CTSE: variants seen among roughly 807,000 people sequenced by gnomAD.
CTSE encodes erythrocyte membrane aspartic proteinase.
In CTSE, 43 loss-of-function variants were observed where a neutral mutation model predicts 42.8. The observed-to-expected ratio is 1.01, with a 90% CI of 0.79 to 1.30. The LOEUF is 1.30. Among genes scored for constraint, CTSE ranks in the 50% most tolerant of loss-of-function variants. CTSE has a pLI of 0.00. For missense variants in CTSE, 532 were observed against 493.5 expected, an observed-to-expected ratio of 1.08 and a Z score of -0.74; for synonymous variants, 205 against 191.5, an observed-to-expected ratio of 1.07 and a Z score of -0.58.
chr1:206,013,037 G>A (rs1341419597), intron 6 of CTSE, among the ~76,000 whole-genome samples: 1 of 151,996 alleles, frequency 6.6e-6, no homozygotes, highest in African/African-American at 2.4e-5. Context: ...ATAAATAGGT[G>A]AATTCCTACA....
rs868909570 is a variant in CTSE, at chr1:206,010,017, G to A, written c.*166C>T. 41 of 354,654 alleles carry A rather than the reference G, an allele frequency of 1.2e-4. No individual in the cohort carries two copies. Among genetic ancestry groups the A allele is most frequent in the Non-Finnish European group, 1.6e-4 (30 of 190,046 alleles). The allele number at this position is 354,654 out of a possible 1,614,324, so 22.0% of individuals were successfully genotyped here. The stretch of plus-strand genomic sequence containing the variant: ...GTGTGAAGTGTGTGTGTGTGTATAT[G>A]TGTGTGTGTGTGTGTATTCTCATGT... On this transcript the variant is annotated 3_prime_UTR_variant, in exon 9 of 9. Transcript: ENST00000358184.
chr1:206,011,065 G>A (rs1661081841), intron 8 of CTSE, among the ~76,000 whole-genome samples: 1 of 151,944 alleles, frequency 6.6e-6, no homozygotes, highest in South Asian at 2.1e-4. Flanking sequence ...CAGTTTTGAT[G>A]GATCAAGGTG....
At chr1:206,016,439 C>A (rs1416549287) in intron 4 of CTSE, among the ~76,000 whole-genome samples, 2 of 151,996 alleles carry the variant, frequency 1.3e-5, no homozygotes, top group Non-Finnish European at 2.9e-5. Flanking sequence ...CATATGAACT[C>A]TTTGGTATCT....
At chr1:206,011,108 C>T (rs1661085467) in intron 8 of CTSE, among the ~76,000 whole-genome samples, 1 of 151,960 alleles carries the variant, frequency 6.6e-6, no homozygotes, top group Non-Finnish European at 1.5e-5. Context: ...GGGAAAGAAC[C>T]ACTCACTGTA....
rs1273535446 is a variant in CTSE at position 206,009,299 on chromosome 1, A to T, written c.*884T>A. On this transcript the variant is annotated 3_prime_UTR_variant, in exon 9 of 9. Coordinates refer to ENST00000358184, the MANE Select transcript of CTSE (RefSeq NM_001910.4). ...AACTTTGTAATGAATGATTAAAGCC[A>T]AGAACTCCAAACCCACCCAGCAGTC... The T allele has an allele frequency of 6.6e-6, 1 of 152,132 alleles. No individual in the cohort carries two copies. The highest frequency in any genetic ancestry group is 1.9e-4 in the East Asian group (1 of 5,194). 9.4% of individuals were successfully genotyped at this position (152,132 alleles called of 1,614,324 possible).
Position 206,021,182 on chromosome 1 carries a change from A to G in CTSE, c.344-15T>C, listed in dbSNP as rs142468174. The G allele has an allele frequency of 1.3e-3, 2,008 of 1,586,700 alleles. 24 individuals are homozygous for G. The African/African-American group carries it at 0.018, about 15-fold the overall frequency. Reference sequence around the variant, plus strand: ...GCTGTGCGTCTCTGGAAAGAAGTGCACTGCTCTTGCTTATGCCATCGGCTC... The same window carrying G: ...GCTGTGCGTCTCTGGAAAGAAGTGCGCTGCTCTTGCTTATGCCATCGGCTC... On this transcript the variant is annotated splice_polypyrimidine_tract_variant and intron_variant, in intron 3 of 8. Transcript: ENST00000358184.
intron 4 of CTSE, among the ~76,000 whole-genome samples, chr1:206,017,736 C>T (rs1553277847): frequency 1.3e-5 from 2 of 151,960 alleles, no homozygotes; most frequent in African/African-American, 4.8e-5. Context: ...CTCGGCCTCC[C>T]AAAGTGCTGG....
chr1:206,014,788 G>A lies in CTSE; in HGVS notation c.663-894C>T, dbSNP rs1661216900. Among the ~76,000 whole-genome samples, 2 of 152,096 alleles carry A rather than the reference G, an allele frequency of 1.3e-5. 1 individual carries two copies. The highest frequency in any genetic ancestry group is 2.9e-5 in the Non-Finnish European group (2 of 68,012). Reference sequence around the variant, plus strand: ...CACTTTTCCCAGGCGACGGGAGAAGGAAGTTCTGCAAGGGGAAGCAGAGGT... The same window carrying A: ...CACTTTTCCCAGGCGACGGGAGAAGAAAGTTCTGCAAGGGGAAGCAGAGGT... On this transcript the variant is annotated intron_variant, in intron 5 of 8. Transcript: ENST00000358184.
At chr1:206,017,025 T>A (rs1661282655) in intron 4 of CTSE, among the ~76,000 whole-genome samples, 1 of 152,106 alleles carries the variant, frequency 6.6e-6, no homozygotes, top group African/African-American at 2.4e-5. Context: ...TCATTCAATC[T>A]ATGAGCATGG....
chr1:206,019,773 ATATT>A (rs1177795609), intron 4 of CTSE, among the ~76,000 whole-genome samples: 5 of 145,548 alleles, frequency 3.4e-5, no homozygotes, highest in African/African-American at 1.2e-4. Context: ...CATTACATAT[ATATT>A]GTGTTAATCT....
rs1443144475 is a variant in CTSE, at chr1:206,010,011, GTA to G, written c.*170_*171del. 2.2e-5 allele frequency: 14 copies of G among 644,848 alleles called. No homozygotes were observed. The highest frequency in any genetic ancestry group is 7.3e-5 in the Admixed American group (3 of 41,168). The allele number at this position is 644,848 out of a possible 1,614,324, so 39.9% of individuals were successfully genotyped here. ...GTGTATGTGTGAAGTGTGTGTGTGTGTATATGTGTGTGTGTGTGTGTATTCTC... is the reference window on the plus strand; with the variant it reads ...GTGTATGTGTGAAGTGTGTGTGTGTGTATGTGTGTGTGTGTGTGTATTCTC... On this transcript the variant is annotated 3_prime_UTR_variant, in exon 9 of 9. Coordinates refer to ENST00000358184, the MANE Select transcript of CTSE (RefSeq NM_001910.4).
At position 206,010,199 on chromosome 1, in the gene CTSE, G is replaced by T; in HGVS notation, c.1175C>A (p.Ala392Asp). 6.2e-7 allele frequency: 1 copy of T among 1,613,674 alleles called. No individual in the cohort carries two copies. Among genetic ancestry groups the T allele is most frequent in the Non-Finnish European group, 8.5e-7 (1 of 1,179,764 alleles). The change falls in exon 9 of 9, where the codon GCC (alanine) becomes GAC (aspartate). Residue 392 changes from alanine to aspartate, a missense_variant. Ala to Asp is a moderately radical substitution (Grantham distance 126). Coordinates refer to ENST00000358184, the MANE Select transcript of CTSE (RefSeq NM_001910.4). ...FDRGNNRVGLAPAVP is the reference protein window; with the variant it reads ...FDRGNNRVGLDPAVP Reference sequence around the variant, plus strand: ...GGCCCCTCCTTAGGGGACTGCTGGGGCCAGTCCCACACGGTTATTCCCACG... The same window carrying T: ...GGCCCCTCCTTAGGGGACTGCTGGGTCCAGTCCCACACGGTTATTCCCACG...
chr1:206,023,509 C>T (rs978123764), intron 1 of CTSE, among the ~76,000 whole-genome samples: 2 of 151,882 alleles, frequency 1.3e-5, no homozygotes, highest in Non-Finnish European at 2.9e-5. Context: ...TGGGAAGGCA[C>T]CTCCGTGGAG....
chr1:206,010,682 G>C (rs1191107962), intron 8 of CTSE, among the ~76,000 whole-genome samples: 1 of 152,104 alleles, frequency 6.6e-6, no homozygotes, highest in African/African-American at 2.4e-5. Flanking sequence ...AAGAGCAAAA[G>C]GGTTGGCACC....
At chr1:206,012,102 A>AT (rs1464755248) in intron 8 of CTSE, among the ~76,000 whole-genome samples, 23 of 152,244 alleles carry the variant, frequency 1.5e-4, no homozygotes, top group African/African-American at 5.1e-4. Flanking sequence ...CTACTGCTTC[A>AT]TGGCAGAACT....
intron 3 of CTSE, among the ~76,000 whole-genome samples, chr1:206,021,551 C>T (rs1661425405): frequency 6.6e-6 from 1 of 152,084 alleles, no homozygotes; most frequent in Admixed American, 6.5e-5. Flanking sequence ...TTTCTCCCAA[C>T]CGATGGACAT....
chr1:206,022,058 G>A (rs1446024210), intron 3 of CTSE, 92 bp downstream of exon 3: 3 of 833,086 alleles, frequency 3.6e-6, no homozygotes, highest in Admixed American at 2.8e-5. Context: ...GCCAGTTTCT[G>A]GAACCTAAGC....
chr1:206,013,272 C>T lies in CTSE; in HGVS notation c.785+500G>A, dbSNP rs140932868. 2.0e-3 allele frequency among the ~76,000 whole-genome samples: 305 copies of T among 152,186 alleles called. 2 individuals carry two copies. Among genetic ancestry groups the T allele is most frequent in the Middle Eastern group, 3.4e-3 (1 of 294 alleles). On this transcript the variant is annotated intron_variant, in intron 6 of 8. Coordinates refer to ENST00000358184, the MANE Select transcript of CTSE (RefSeq NM_001910.4). ...TTGTATATATTTCCTGGCTCAGTTTCAATGTAACCCCCTCCATGATGCACT... is the reference window on the plus strand; with the variant it reads ...TTGTATATATTTCCTGGCTCAGTTTTAATGTAACCCCCTCCATGATGCACT...
In CTSE at chr1:206,012,417, A is replaced by G; in HGVS notation, c.928-11T>C. 6.2e-7 allele frequency: 1 copy of G among 1,613,856 alleles called. No homozygotes were observed. The highest frequency in any genetic ancestry group is 8.5e-7 in the Non-Finnish European group (1 of 1,179,826). On this transcript the variant is annotated splice_polypyrimidine_tract_variant and intron_variant, in intron 7 of 8. Coordinates refer to ENST00000358184, the MANE Select transcript of CTSE (RefSeq NM_001910.4). ...ACACTCCACAGCATACTAAAACCCA[A>G]TACGGAGGATCCGTTTAGAGCCTTG...
Sources: allele counts gnomAD v4.1 joint callset (sites outside exome capture counted in the v4.1 genomes callset), GRCh38; gene constraint gnomAD v4.1.1; transcripts MANE v1.5; gene names NCBI Gene and HGNC (gene_info 2026-07-23, HGNC 2026-07-21).